Variants in ATXN10 observed in about 807,000 individuals in gnomAD.
ATXN10 encodes the protein ataxin-10.
Under a neutral mutation model 52.9 loss-of-function variants are expected in ATXN10, and 28 were observed. That is an observed-to-expected ratio of 0.53 (90% confidence interval 0.39 to 0.73). The LOEUF (loss-of-function observed/expected upper bound fraction) is 0.73, where lower values mean the gene tolerates loss of function less well. Ranked by LOEUF, ATXN10 falls within the 30% of genes least tolerant of loss-of-function variation. The pLI is 0.00. For missense variants in ATXN10, 565 were observed against 577.0 expected (o/e 0.98, Z 0.21); for synonymous variants, 226 against 221.5 (o/e 1.02, Z -0.18).
At chr22:45,753,510 A>T (rs1156821137) in intron 9 of ATXN10, among the ~76,000 whole-genome samples, 1 of 144,756 alleles carries the variant, frequency 6.9e-6, no homozygotes, top group East Asian at 2.1e-4. Context: ...GGATTAAGCG[A>T]TTCTCTTGCC....
chr22:45,764,356 G>T (rs899924522), intron 9 of ATXN10, among the ~76,000 whole-genome samples: 4 of 151,954 alleles, frequency 2.6e-5, no homozygotes, highest in Non-Finnish European at 1.5e-5. Context: ...AGTTTCCGTG[G>T]AAGGGTTTCC....
rs1924427520 is a variant in ATXN10, at chr22:45,715,940, G to T, written c.648-2473G>T. Among the ~76,000 whole-genome samples, 1 of 152,012 alleles carries T rather than the reference G, an allele frequency of 6.6e-6. No individual in the cohort carries two copies. The highest frequency in any genetic ancestry group is 1.5e-5 in the Non-Finnish European group (1 of 67,992). On this transcript the variant is annotated intron_variant, in intron 5 of 11. Transcript: ENST00000252934. This position sits in a 1 kb window ranked among gnomAD's most constrained non-coding sequence, Gnocchi z 4.4. ...TCACAGGCAAATTAGAAAATATTTT[G>T]ACCTGAAGTACCAAGTTTTGTGGGA... is the stretch of plus-strand genomic sequence containing the variant.
At chr22:45,785,556 C>T (rs1004601247) in intron 9 of ATXN10, among the ~76,000 whole-genome samples, 9 of 152,188 alleles carry the variant, frequency 5.9e-5, no homozygotes, top group South Asian at 2.1e-4. Context: ...TTGTGTAAGA[C>T]GTTCTGTTTT....
chr22:45,779,249 G>A (rs1927063534), intron 9 of ATXN10, among the ~76,000 whole-genome samples: 1 of 152,128 alleles, frequency 6.6e-6, no homozygotes, highest in Admixed American at 6.5e-5. Flanking sequence ...TACTCATCTC[G>A]AGAAATTATC....
At chr22:45,725,017 T>C (rs1162476626) in intron 6 of ATXN10, among the ~76,000 whole-genome samples, 1 of 152,192 alleles carries the variant, frequency 6.6e-6, no homozygotes, top group Non-Finnish European at 1.5e-5. Flanking sequence ...GGTCTGTATA[T>C]CTAGCTTTAT....
rs536727665 is a variant in ATXN10, at chr22:45,754,746, T to A, written c.1173+14208T>A. On this transcript the variant is annotated intron_variant, in intron 9 of 11. Coordinates refer to ENST00000252934, the MANE Select transcript of ATXN10 (RefSeq NM_013236.4). This position sits in a 1 kb window ranked among gnomAD's most constrained non-coding sequence, Gnocchi z 5.4. ...GGCTCATGCCTGTAGTCCCAGCTAC[T>A]TGGGAGGCTGAGGCAGGAGGATCGC... Among the ~76,000 whole-genome samples the A allele has an allele frequency of 3.5e-3, 533 of 152,282 alleles. 1 individual carries two copies. Among genetic ancestry groups the A allele is most frequent in the Non-Finnish European group, 6.1e-3 (418 of 68,012 alleles).
rs376122932 is a variant in ATXN10, at chr22:45,675,087, A to G, written c.116+2908A>G. Reference sequence around the variant, plus strand: ...ATATGTGTAGCATAGTGGTTTATGCATAGTAAATGCCATTTATTTAGGACC... The same window carrying G: ...ATATGTGTAGCATAGTGGTTTATGCGTAGTAAATGCCATTTATTTAGGACC... On this transcript the variant is annotated intron_variant, in intron 1 of 11. Coordinates refer to ENST00000252934, the MANE Select transcript of ATXN10 (RefSeq NM_013236.4). 8.5e-4 allele frequency: 129 copies of G among 152,398 alleles called. 1 individual carries two copies. The highest frequency in any genetic ancestry group is 2.9e-3 in the African/African-American group (119 of 41,596). The allele number at this position is 152,398 out of a possible 1,614,324, so 9.4% of individuals were successfully genotyped here.
chr22:45,785,969 A>T (rs1927309982), intron 9 of ATXN10, among the ~76,000 whole-genome samples: 1 of 152,234 alleles, frequency 6.6e-6, no homozygotes, highest in Admixed American at 6.5e-5. Flanking sequence ...CTATGCAGTG[A>T]TTCAACATTC....
chr22:45,794,724 A>T (rs1348749426), intron 9 of ATXN10, among the ~76,000 whole-genome samples: 1 of 152,238 alleles, frequency 6.6e-6, no homozygotes, highest in Non-Finnish European at 1.5e-5. Flanking sequence ...GTATCCAGCC[A>T]AAATATCCTT....
chr22:45,702,669 C>T lies in ATXN10; in HGVS notation c.489-20C>T, dbSNP rs768684037. The T allele has an allele frequency of 7.4e-6, 12 of 1,613,394 alleles. No homozygotes were observed. Among genetic ancestry groups the T allele is most frequent in the Non-Finnish European group, 1.0e-5 (12 of 1,179,670 alleles). ...CATGTTACTAAATTGGGCTAACAAT[C>T]TCATTTCCTTGTTTGGAAGGTCTTG... On this transcript the variant is annotated intron_variant, in intron 4 of 11. Transcript: ENST00000252934.
At position 45,729,413 on chromosome 22, in the gene ATXN10, T is replaced by C. The variant is rs528589993; in HGVS notation, c.729-12T>C. The C allele has an allele frequency of 6.8e-6, 11 of 1,613,778 alleles. No individual in the cohort carries two copies. The highest frequency in any genetic ancestry group is 3.3e-5 in the Admixed American group (2 of 60,008). On this transcript the variant is annotated splice_polypyrimidine_tract_variant and intron_variant, in intron 6 of 11. Coordinates refer to ENST00000252934, the MANE Select transcript of ATXN10 (RefSeq NM_013236.4). ...ATTATAGATTCATGCAGAAATCCTT[T>C]ATGTTTTACAGAGTTACACTGTTAG...
At chr22:45,679,496 T>TA (rs541927610) in intron 1 of ATXN10, 92 of 152,152 alleles carry the variant, frequency 6.0e-4, no homozygotes, top group African/African-American at 2.1e-3. Flanking sequence ...ACCACAGAGG[T>TA]AAAAAATAAA....
intron 9 of ATXN10, among the ~76,000 whole-genome samples, chr22:45,768,327 A>G (rs112800545): frequency 0.012 from 1,881 of 152,242 alleles, 17 homozygotes; most frequent in African/African-American, 0.023. Context: ...GCTATGTCAC[A>G]AGGACACAAG....
At chr22:45,803,549 A>G (rs1262187904) in intron 9 of ATXN10, among the ~76,000 whole-genome samples, 1 of 152,122 alleles carries the variant, frequency 6.6e-6, no homozygotes, top group Non-Finnish European at 1.5e-5. Context: ...AAGGGTTTGG[A>G]TCACACATTT....
intron 9 of ATXN10, among the ~76,000 whole-genome samples, chr22:45,782,605 C>G (rs9614517): frequency 0.047 from 7,113 of 152,188 alleles, 198 homozygotes; most frequent in Non-Finnish European, 0.06. Flanking sequence ...ATACTAACCT[C>G]TAGTAGGGGT....
At position 45,735,245 on chromosome 22, in the gene ATXN10, T is replaced by A. The variant is rs556417183; in HGVS notation, c.895-3486T>A. On this transcript the variant is annotated intron_variant, in intron 7 of 11. Coordinates refer to ENST00000252934, the MANE Select transcript of ATXN10 (RefSeq NM_013236.4). ...CATAGTTAATGTTCCCTAAATGTTA[T>A]CTGTTATTATTTCAGTACCATTTAG... 1.6e-4 allele frequency among the ~76,000 whole-genome samples: 25 copies of A among 152,260 alleles called. No homozygotes were observed. In the South Asian group the frequency reaches 5.0e-3, roughly 30 times the overall value.
Position 45,748,134 on chromosome 22 carries a change from G to A in ATXN10, c.1173+7596G>A, listed in dbSNP as rs1353685538. The stretch of plus-strand genomic sequence containing the variant: ...GTCGAGGCTACAGGGAGCCGTGATC[G>A]TGCCACTGCACTCTAGCCTGGGCAA... On this transcript the variant is annotated intron_variant, in intron 9 of 11. Transcript: ENST00000252934. Among the ~76,000 whole-genome samples the A allele has an allele frequency of 4.6e-5, 7 of 151,810 alleles. No homozygotes were observed. The East Asian group carries it at 5.8e-4, about 13-fold the overall frequency.
rs1185207248 is a variant in ATXN10 at position 45,738,892 on chromosome 22, A to G, written c.1003+53A>G. On this transcript the variant is annotated intron_variant, in intron 8 of 11. Transcript: ENST00000252934. ...TTAGCTAAGAAATCTTTGGCTTGTC[A>G]TACTGTAATATAAATCCAAATACAA... is the stretch of plus-strand genomic sequence containing the variant. 7 of 1,397,386 alleles carry G rather than the reference A, an allele frequency of 5.0e-6. No individual in the cohort carries two copies. The East Asian group carries it at 1.6e-4, about 32-fold the overall frequency. 86.6% of individuals were successfully genotyped at this position (1,397,386 alleles called of 1,614,324 possible). A position where few individuals can be genotyped will look rare whatever the true frequency, so the allele number is the denominator to read the frequency against.
chr22:45,777,076 T>C (rs570298159), intron 9 of ATXN10, among the ~76,000 whole-genome samples: 2 of 152,346 alleles, frequency 1.3e-5, no homozygotes, highest in African/African-American at 2.4e-5. Flanking sequence ...AAGCTACTTT[T>C]ATATTTCGAA....
Sources: allele counts gnomAD v4.1 joint callset (sites outside exome capture counted in the v4.1 genomes callset), GRCh38; gene constraint gnomAD v4.1.1; non-coding constraint Gnocchi (gnomAD v3.1); transcripts MANE v1.5; gene names NCBI Gene and HGNC (gene_info 2026-07-23, HGNC 2026-07-21).